Variants in PHF24 observed in about 807,000 individuals in gnomAD.
PHF24 encodes Galpha inhibitory interacting protein.
PHF24 carries 25 observed loss-of-function variants against 42.6 expected under a neutral mutation model. That is an observed-to-expected ratio of 0.59 (90% CI 0.43 to 0.82). PHF24 has a LOEUF of 0.82. Ranked by LOEUF, PHF24 falls within the 40% of genes least tolerant of loss-of-function variation. The probability of loss-of-function intolerance (pLI) is 0.00; values close to 1 mark genes in which losing one functional copy is unlikely to be tolerated. For synonymous variants in PHF24, 185 were observed against 204.8 expected, an observed-to-expected ratio of 0.90 and a Z score of 0.83; for missense variants, 470 against 538.1, an observed-to-expected ratio of 0.87 and a Z score of 1.25.
At chr9:34,896,345 C>A in the PHF24 span, among the ~76,000 whole-genome samples, 1 of 152,166 alleles carries the variant, frequency 6.6e-6, no homozygotes, top group East Asian at 1.9e-4. Flanking sequence ...AAGGAAAGGA[C>A]AAAGCTGATG....
At chr9:34,937,031 T>G in the PHF24 span, among the ~76,000 whole-genome samples, 4 of 124,132 alleles carry the variant, frequency 3.2e-5, no homozygotes, top group Non-Finnish European at 1.7e-5. Flanking sequence ...GGTGGGGGGG[T>G]CAGCCCCCCC....
At chr9:34,873,917 TC>T in the PHF24 span, among the ~76,000 whole-genome samples, 24 of 152,106 alleles carry the variant, frequency 1.6e-4, no homozygotes, top group African/African-American at 5.6e-4. Context: ...AAGAGGTCCT[TC>T]ACATCTGGTT....
chr9:34,737,917 G>A, the PHF24 span, among the ~76,000 whole-genome samples: 2 of 151,646 alleles, frequency 1.3e-5, no homozygotes, highest in Non-Finnish European at 2.9e-5. Context: ...GATAGTGTAA[G>A]CATTGTTGTG....
At chr9:34,690,175 G>C in the PHF24 span, 3 of 1,612,172 alleles carry the variant, frequency 1.9e-6, no homozygotes, top group African/African-American at 1.3e-5. Flanking sequence ...GGGCTAAAAC[G>C]GGAGATGAGG....
chr9:34,887,376 A>G, the PHF24 span, among the ~76,000 whole-genome samples: 2 of 152,296 alleles, frequency 1.3e-5, no homozygotes, highest in South Asian at 4.1e-4. Flanking sequence ...AATTTACTCA[A>G]AGTAAGAGCC....
chr9:34,665,969 T>A, the PHF24 span: 4 of 450,868 alleles, frequency 8.9e-6, no homozygotes, highest in African/African-American at 6.2e-5. Flanking sequence ...TTTCAGGGGC[T>A]GGGGTCACCT....
chr9:34,814,705 T>C, the PHF24 span, among the ~76,000 whole-genome samples: 1 of 152,250 alleles, frequency 6.6e-6, no homozygotes, highest in African/African-American at 2.4e-5. Flanking sequence ...AGTAGTAGGA[T>C]AGTTTGTTAA....
the PHF24 span, among the ~76,000 whole-genome samples, chr9:34,717,785 G>C: frequency 6.6e-6 from 1 of 152,140 alleles, no homozygotes; most frequent in African/African-American, 2.4e-5. Flanking sequence ...GATGGGTTCT[G>C]TGTGCAAACC....
chr9:34,839,836 A>T, the PHF24 span, among the ~76,000 whole-genome samples: 1 of 152,208 alleles, frequency 6.6e-6, no homozygotes, highest in East Asian at 1.9e-4. Context: ...ACTGAGGTTC[A>T]GGTCTCAACT....
chr9:34,825,200 A>G, the PHF24 span, among the ~76,000 whole-genome samples: 3 of 152,122 alleles, frequency 2.0e-5, no homozygotes, highest in East Asian at 5.8e-4. Flanking sequence ...TCTGAGAGTC[A>G]GGACCCTTCA....
chr9:34,696,429 G>A, the PHF24 span, among the ~76,000 whole-genome samples: 1 of 151,002 alleles, frequency 6.6e-6, no homozygotes, highest in Non-Finnish European at 1.5e-5. Flanking sequence ...CAGAAGTTGC[G>A]GTGTGCAGAG....
At chr9:34,895,508 CAA>C in the PHF24 span, 1 of 398,302 alleles carries the variant, frequency 2.5e-6, no homozygotes, top group Admixed American at 4.4e-5. Flanking sequence ...CTAAGAGTAA[CAA>C]GAGAAAGCTC....
At chr9:34,796,466 A>C in the PHF24 span, among the ~76,000 whole-genome samples, 1 of 152,220 alleles carries the variant, frequency 6.6e-6, no homozygotes, top group Non-Finnish European at 1.5e-5. Context: ...TCGCAAATCA[A>C]ACATCCAACA....
chr9:34,728,647 T>G, the PHF24 span: 10 of 1,551,500 alleles, frequency 6.4e-6, no homozygotes, highest in Non-Finnish European at 8.7e-6. Flanking sequence ...CCTGACTTTT[T>G]GGTGACACTT....
At chr9:34,905,719 C>T in the PHF24 span, among the ~76,000 whole-genome samples, 1 of 152,084 alleles carries the variant, frequency 6.6e-6, no homozygotes, top group Non-Finnish European at 1.5e-5. Context: ...AATCAACATG[C>T]ATAAACTGCT....
chr9:34,944,071 C>T, the PHF24 span, among the ~76,000 whole-genome samples: 1 of 152,174 alleles, frequency 6.6e-6, no homozygotes, highest in Non-Finnish European at 1.5e-5. Flanking sequence ...TTTCTTCTAC[C>T]ATCTGTCAGA....
At chr9:34,939,148 C>T in the PHF24 span, among the ~76,000 whole-genome samples, 3 of 151,910 alleles carry the variant, frequency 2.0e-5, no homozygotes, top group African/African-American at 7.3e-5. Flanking sequence ...GCCGTGGTGG[C>T]GCATGCCTGT....
At chr9:34,909,148 C>CT in the PHF24 span, among the ~76,000 whole-genome samples, 9 of 151,734 alleles carry the variant, frequency 5.9e-5, no homozygotes, top group Non-Finnish European at 1.2e-4. Flanking sequence ...GCCCGGCCCC[C>CT]TTTTTCTCTT....
At chr9:34,874,300 T>G in the PHF24 span, among the ~76,000 whole-genome samples, 1 of 152,188 alleles carries the variant, frequency 6.6e-6, no homozygotes, top group African/African-American at 2.4e-5. Flanking sequence ...CCTTCCAGTT[T>G]TTGCCCATTC....
Sources: allele counts gnomAD v4.1 joint callset (sites outside exome capture counted in the v4.1 genomes callset), GRCh38; gene constraint gnomAD v4.1.1; transcripts MANE v1.5; gene names NCBI Gene and HGNC (gene_info 2026-07-23, HGNC 2026-07-21).